Variants in NET1 observed in about 807,000 individuals in gnomAD.
The protein encoded by NET1 is neuroepithelial cell-transforming gene 1 protein.
Under a neutral mutation model 61.1 loss-of-function variants are expected in NET1, and 42 were observed. That is an observed-to-expected ratio of 0.69 (90% CI 0.54 to 0.89). The LOEUF (loss-of-function observed/expected upper bound fraction) is 0.89, where lower values mean the gene tolerates loss of function less well. Ranked by LOEUF, NET1 falls within the 40% of genes least tolerant of loss-of-function variation. NET1 has a pLI of 0.00. For missense variants in NET1, 654 were observed against 747.3 expected, an observed-to-expected ratio of 0.88 and a Z score of 1.46; for synonymous variants, 254 against 281.8, an observed-to-expected ratio of 0.90 and a Z score of 0.99.
rs531210844 is a variant in NET1, at chr10:5,452,401, A to C, written c.407A>C (p.Gln136Pro). 6.2e-7 allele frequency: 1 copy of C among 1,614,058 alleles called. No homozygotes were observed. The highest frequency in any genetic ancestry group is 1.7e-5 in the Admixed American group (1 of 60,004). The change falls in exon 5 of 12, where the codon CAG becomes CCG. Residue 136 changes from glutamine to proline, a missense_variant. Transcript: ENST00000355029. The surrounding 1 kb of genome is among the most constrained non-coding windows in gnomAD (Gnocchi z 4.0). ...GACCACAGATCCCCAGCCTCTGCCC[A>C]GAAGTTTTCTAGCAGGTCAACAGTC... ...RGDHRSPASA[Q>P]KFSSRSTVPT...
At position 5,437,131 on chromosome 10, in the gene NET1, GC is replaced by G. The variant is rs1389568925; in HGVS notation, c.255+7903del. On this transcript the variant is annotated intron_variant, in intron 3 of 11. Coordinates refer to ENST00000355029, the MANE Select transcript of NET1 (RefSeq NM_001047160.3). This position sits in a 1 kb window ranked among gnomAD's most constrained non-coding sequence, Gnocchi z 4.3. ...TTTAATACATGAATACATTGTTCTG[GC>G]AAAAAATTGAAACCGTTTTTTTAAA... is the stretch of plus-strand genomic sequence containing the variant. Among the ~76,000 whole-genome samples the G allele has an allele frequency of 6.6e-6, 1 of 151,996 alleles. No homozygotes were observed. The highest frequency in any genetic ancestry group is 1.5e-5 in the Non-Finnish European group (1 of 67,984).
At position 5,422,090 on chromosome 10, in the gene NET1, C is replaced by A. The variant is rs983983373; in HGVS notation, c.129-4565C>A. On this transcript the variant is annotated intron_variant, in intron 1 of 11. Transcript: ENST00000355029. This position sits in a 1 kb window ranked among gnomAD's most constrained non-coding sequence, Gnocchi z 4.1. ...GGGCGCGGTGGCTCACGCCTATAAT[C>A]CCAGCACTTTGGGAGGCCGAGGCGG... 2.0e-5 allele frequency among the ~76,000 whole-genome samples: 3 copies of A among 152,050 alleles called. No individual in the cohort carries two copies. Among genetic ancestry groups the A allele is most frequent in the Non-Finnish European group, 4.4e-5 (3 of 68,018 alleles).
rs1474933941 is a variant in NET1 at position 5,426,184 on chromosome 10, T to A, written c.129-471T>A. Among the ~76,000 whole-genome samples the A allele has an allele frequency of 1.3e-5, 2 of 152,190 alleles. No homozygotes were observed. Among genetic ancestry groups the A allele is most frequent in the Non-Finnish European group, 2.9e-5 (2 of 68,032 alleles). ...TTGTTAAATTGCAGTTTTAAAAAAT[T>A]AGGGATTTACATGAAATGCAGATAA... On this transcript the variant is annotated intron_variant, in intron 1 of 11. Transcript: ENST00000355029. This position sits in a 1 kb window ranked among gnomAD's most constrained non-coding sequence, Gnocchi z 4.6.
chr10:5,450,418 TTAAA>T (rs1315912302), intron 3 of NET1, among the ~76,000 whole-genome samples: 2 of 152,198 alleles, frequency 1.3e-5, no homozygotes, highest in East Asian at 1.9e-4. Context: ...CAGTTTATTC[TTAAA>T]TAATTAATTA....
chr10:5,434,720 A>C (rs1288298918), intron 3 of NET1, among the ~76,000 whole-genome samples: 1 of 119,744 alleles, frequency 8.4e-6, no homozygotes, highest in African/African-American at 3.1e-5. Context: ...TGGTTATGCT[A>C]GTTGCTCTGT....
At chr10:5,436,964 G>A (rs1006055093) in intron 3 of NET1, among the ~76,000 whole-genome samples, 51 of 152,294 alleles carry the variant, frequency 3.3e-4, no homozygotes, top group African/African-American at 1.2e-3. Context: ...AGAAAATGGT[G>A]TTCTTGGCCA....
At position 5,452,840 on chromosome 10, in the gene NET1, T is replaced by G; in HGVS notation, c.532-18T>G. 6.2e-7 allele frequency: 1 copy of G among 1,608,586 alleles called. No individual in the cohort carries two copies. The highest frequency in any genetic ancestry group is 8.5e-7 in the Non-Finnish European group (1 of 1,178,018). On this transcript the variant is annotated intron_variant, in intron 5 of 11. Coordinates refer to ENST00000355029, the MANE Select transcript of NET1 (RefSeq NM_001047160.3). The surrounding 1 kb of genome is among the most constrained non-coding windows in gnomAD (Gnocchi z 4.0). ...TTTCTCGAAGGAATGACCTCTGATGTTTGCTGGATGTTTTTAGGCAATATA... is the reference window on the plus strand; with the variant it reads ...TTTCTCGAAGGAATGACCTCTGATGGTTGCTGGATGTTTTTAGGCAATATA...
At position 5,454,268 on chromosome 10, in the gene NET1, C is replaced by T; in HGVS notation, c.772C>T (p.Pro258Ser). The T allele has an allele frequency of 6.2e-7, 1 of 1,611,002 alleles. No homozygotes were observed. Among genetic ancestry groups the T allele is most frequent in the Non-Finnish European group, 8.5e-7 (1 of 1,179,104 alleles). Reference sequence around the variant, plus strand: ...CTTTTCTTTTATTACTCTTCAGTTACCGCGCTTGAATGCCTACAGAGGTTA... The same window carrying T: ...CTTTTCTTTTATTACTCTTCAGTTATCGCGCTTGAATGCCTACAGAGGTTA... ...QIGHILVSWLPRLNAYRGYCS... is the reference protein window; with the variant it reads ...QIGHILVSWLSRLNAYRGYCS... Residue 258 changes from proline to serine, a missense_variant, in exon 9 of 12, where the codon CCG (proline) becomes TCG (serine). Coordinates refer to ENST00000355029, the MANE Select transcript of NET1 (RefSeq NM_001047160.3). The surrounding 1 kb of genome is among the most constrained non-coding windows in gnomAD (Gnocchi z 8.1).
intron 2 of NET1, 94 bp from the exon 3 acceptor site, chr10:5,429,076 T>C (rs1832307202): frequency 1.0e-6 from 1 of 953,854 alleles, no homozygotes; most frequent in Non-Finnish European, 1.6e-6. Flanking sequence ...GCTTAACTTT[T>C]TTAAATTGAT....
intron 3 of NET1, among the ~76,000 whole-genome samples, chr10:5,430,875 C>CT (rs71294427): frequency 0.74 from 101,474 of 137,618 alleles, 37,580 homozygotes; most frequent in South Asian, 0.88. Context: ...AACTATATCT[C>CT]TTTTTTTTTT....
rs1832183975 is a variant in NET1 at position 5,422,136 on chromosome 10, A to G, written c.129-4519A>G. 6.6e-6 allele frequency among the ~76,000 whole-genome samples: 1 copy of G among 152,156 alleles called. No individual in the cohort carries two copies. Among genetic ancestry groups the G allele is most frequent in the Non-Finnish European group, 1.5e-5 (1 of 68,026 alleles). On this transcript the variant is annotated intron_variant, in intron 1 of 11. Coordinates refer to ENST00000355029, the MANE Select transcript of NET1 (RefSeq NM_001047160.3). This position sits in a 1 kb window ranked among gnomAD's most constrained non-coding sequence, Gnocchi z 4.1. ...GGCGGGTGGATCACCTGAGGTCAGG[A>G]GTTCGAGACCAGCCTGGTCAACATG...
chr10:5,448,672 A>ATTTTTTTT lies in NET1; in HGVS notation c.256-3148_256-3141dup, dbSNP rs55722042. On this transcript the variant is annotated intron_variant, in intron 3 of 11. Transcript: ENST00000355029. ...TTTGTTTATTCCCATGGATTTTTGGATTTTTTTTTTTTTTTTTGAGGAGAG... is the reference window on the plus strand; with the variant it reads ...TTTGTTTATTCCCATGGATTTTTGGATTTTTTTTTTTTTTTTTTTTTTTTTGAGGAGAG... 2.2e-4 allele frequency among the ~76,000 whole-genome samples: 28 copies of ATTTTTTTT among 126,736 alleles called. 3 individuals carry two copies. The highest frequency in any genetic ancestry group is 5.1e-4 in the South Asian group (2 of 3,936). The allele number at this position is 126,736 out of a possible 152,430, so 83.1% of individuals were successfully genotyped here.
In NET1 at chr10:5,426,624, T is replaced by C. The variant is rs765833134; in HGVS notation, c.129-31T>C. The C allele has an allele frequency of 1.9e-6, 3 of 1,545,856 alleles. No homozygotes were observed. The South Asian group carries it at 3.5e-5, about 18-fold the overall frequency. ...GCTCTATTATGCTAAAGTCAATCTC[T>C]TTATTTATTGTTTGAATTTTCCATT... On this transcript the variant is annotated intron_variant, in intron 1 of 11. Coordinates refer to ENST00000355029, the MANE Select transcript of NET1 (RefSeq NM_001047160.3). The surrounding 1 kb of genome is among the most constrained non-coding windows in gnomAD (Gnocchi z 4.6).
rs572628767 is a variant in NET1 at position 5,441,844 on chromosome 10, T to A, written c.256-9986T>A. On this transcript the variant is annotated intron_variant, in intron 3 of 11. Transcript: ENST00000355029. The surrounding 1 kb of genome is among the most constrained non-coding windows in gnomAD (Gnocchi z 4.6). Reference sequence around the variant, plus strand: ...AAGTTATTACTAGATATTTTGGAACTATGGTTTTTCAAAAGTTCCACTTTT... The same window carrying A: ...AAGTTATTACTAGATATTTTGGAACAATGGTTTTTCAAAAGTTCCACTTTT... Among the ~76,000 whole-genome samples the A allele has an allele frequency of 6.6e-6, 1 of 152,262 alleles. No homozygotes were observed. The highest frequency in any genetic ancestry group is 1.5e-5 in the Non-Finnish European group (1 of 68,044).
At position 5,440,051 on chromosome 10, in the gene NET1, T is replaced by C. The variant is rs1832500124; in HGVS notation, c.255+10822T>C. 6.6e-6 allele frequency among the ~76,000 whole-genome samples: 1 copy of C among 152,236 alleles called. No homozygotes were observed. Among genetic ancestry groups the C allele is most frequent in the Admixed American group, 6.5e-5 (1 of 15,290 alleles). On this transcript the variant is annotated intron_variant, in intron 3 of 11. Coordinates refer to ENST00000355029, the MANE Select transcript of NET1 (RefSeq NM_001047160.3). The surrounding 1 kb of genome is among the most constrained non-coding windows in gnomAD (Gnocchi z 4.1). ...AGGCCGTTGGATCTATTAAAACTTT[T>C]CCAACATGGCAACCTCTGAATTTTT...
Position 5,417,709 on chromosome 10 carries a change from G to A in NET1, c.128+4889G>A, listed in dbSNP as rs1046647989. 6.6e-5 allele frequency among the ~76,000 whole-genome samples: 10 copies of A among 152,178 alleles called. No homozygotes were observed. The highest frequency in any genetic ancestry group is 1.9e-4 in the East Asian group (1 of 5,178). ...CCCTGGGTAGGGCCTCCTGTACAAC[G>A]CTGAACAGAAGTGGAGAGACGGGAA... On this transcript the variant is annotated intron_variant, in intron 1 of 11. Transcript: ENST00000355029. The surrounding 1 kb of genome is among the most constrained non-coding windows in gnomAD (Gnocchi z 5.5).
In NET1 at chr10:5,424,650, T is replaced by C. The variant is rs1330884427; in HGVS notation, c.129-2005T>C. 6.6e-6 allele frequency among the ~76,000 whole-genome samples: 1 copy of C among 152,180 alleles called. No homozygotes were observed. The highest frequency in any genetic ancestry group is 1.5e-5 in the Non-Finnish European group (1 of 68,022). On this transcript the variant is annotated intron_variant, in intron 1 of 11. Transcript: ENST00000355029. The surrounding 1 kb of genome is among the most constrained non-coding windows in gnomAD (Gnocchi z 6.1). ...ATAGTTTGAGCTCCATGAGTAGTCT[T>C]CCTGTGTTTTGATCTTCTCCAAATA...
In NET1 at chr10:5,458,993, C is replaced by G. The variant is rs983608833; in HGVS notation, c.*1999C>G. On this transcript the variant is annotated 3_prime_UTR_variant, in exon 12 of 12. Coordinates refer to ENST00000355029, the MANE Select transcript of NET1 (RefSeq NM_001047160.3). The surrounding 1 kb of genome is among the most constrained non-coding windows in gnomAD (Gnocchi z 4.5). The stretch of plus-strand genomic sequence containing the variant: ...TAAAACCGTATCTTCTTTTGGTTCC[C>G]TCAAAGGTAAAAATAAGACCCAGAA... Among the ~76,000 whole-genome samples the G allele has an allele frequency of 6.6e-6, 1 of 152,074 alleles. No homozygotes were observed. Among genetic ancestry groups the G allele is most frequent in the Non-Finnish European group, 1.5e-5 (1 of 67,998 alleles).
rs764827620 is a variant in NET1, at chr10:5,457,021, G to A, written c.*27G>A. 3 of 1,513,782 alleles carry A rather than the reference G, an allele frequency of 2.0e-6. No homozygotes were observed. Among genetic ancestry groups the A allele is most frequent in the East Asian group, 2.3e-5 (1 of 43,752 alleles). 93.8% of individuals were successfully genotyped at this position (1,513,782 alleles called of 1,614,324 possible). ...GAAGGCTCTGTGTGTTAACTGATGG[G>A]AGAGACTGTTTGTTTATAAATGTGT... On this transcript the variant is annotated 3_prime_UTR_variant, in exon 12 of 12. Transcript: ENST00000355029. The surrounding 1 kb of genome is among the most constrained non-coding windows in gnomAD (Gnocchi z 5.4).
Sources: gnomAD v4.1 joint callset for allele counts (sites outside exome capture counted in the v4.1 genomes callset) on GRCh38, gnomAD v4.1.1 for gene constraint, Gnocchi (gnomAD v3.1) non-coding constraint, MANE v1.5 for transcripts, NCBI Gene and HGNC (gene_info 2026-07-23, HGNC 2026-07-21) for gene names.